CDC16: variants seen among roughly 807,000 people sequenced by gnomAD.
CDC16 encodes cell division cycle 16.
CDC16 carries 34 observed loss-of-function variants against 87.0 expected under a neutral mutation model. The ratio of observed to expected loss-of-function variants is 0.39; its 90% CI spans 0.30 to 0.52. The LOEUF is 0.52. Among genes scored for constraint, CDC16 ranks in the 20% least tolerant of loss-of-function variants. The probability of loss-of-function intolerance (pLI) is 0.74; values close to 1 mark genes in which losing one functional copy is unlikely to be tolerated. For synonymous variants in CDC16, 263 were observed against 260.6 expected, an observed-to-expected ratio of 1.01 and a Z score of -0.09; for missense variants, 653 against 751.9, an observed-to-expected ratio of 0.87 and a Z score of 1.54.
chr13:114,251,826 C>T (rs1465886693), intron 12 of CDC16, among the ~76,000 whole-genome samples: 2 of 152,220 alleles, frequency 1.3e-5, no homozygotes, highest in African/African-American at 2.4e-5. Flanking sequence ...CCTCACATGG[C>T]AGAGAGAGCT....
Position 114,259,341 on chromosome 13 carries a change from A to G in CDC16, c.1257A>G (p.Lys419=). The change falls in exon 14 of 18, where the codon AAA becomes AAG. Residue 419 remains lysine, a synonymous_variant. Coordinates refer to ENST00000356221, the MANE Select transcript of CDC16 (RefSeq NM_001078645.3). ...TTTTTTCCTTTCATTTTAGATGGAAAACAGCCGAAAAATGGTTTCTTGATG... is the reference window on the plus strand; with the variant it reads ...TTTTTTCCTTTCATTTTAGATGGAAGACAGCCGAAAAATGGTTTCTTGATG... ...GVVAFQNGEW[K]TAEKWFLDAL... 1 of 1,572,620 alleles carries G rather than the reference A, an allele frequency of 6.4e-7. No homozygotes were observed. Among genetic ancestry groups the G allele is most frequent in the South Asian group, 1.2e-5 (1 of 82,974 alleles).
rs17291173 is a variant in CDC16, at chr13:114,243,909, G to T, written c.687G>T (p.Glu229Asp). ...VIPESVDGLQ[E>D]NLDVVVSLAE... ...CTGAATCTGTAGATGGCTTGCAAGA[G>T]AATCTGGATGTGGTAGTGTCTTTAG... The change falls in exon 8 of 18, where the codon GAG (glutamate) becomes GAT (aspartate). Residue 229 changes from glutamate to aspartate, a missense_variant. By Grantham distance (45) the Glu-to-Asp change is conservative (BLOSUM62 2). Coordinates refer to ENST00000356221, the MANE Select transcript of CDC16 (RefSeq NM_001078645.3). The T allele has an allele frequency of 6.2e-7, 1 of 1,606,234 alleles. No homozygotes were observed. Among genetic ancestry groups the T allele is most frequent in the South Asian group, 1.1e-5 (1 of 90,876 alleles).
At chr13:114,236,558 A>T in intron 1 of CDC16, 87 bp from the exon 2 acceptor site, 1 of 1,076,654 alleles carries the variant, frequency 9.3e-7, no homozygotes, top group Non-Finnish European at 1.3e-6. Flanking sequence ...TTAATATATT[A>T]CATAGAATTA....
chr13:114,267,050 A>G (rs2083273954), intron 17 of CDC16, among the ~76,000 whole-genome samples: 1 of 152,162 alleles, frequency 6.6e-6, no homozygotes, highest in Non-Finnish European at 1.5e-5. Context: ...AGAAATATTA[A>G]TCTATAGACA....
At chr13:114,242,723 G>T in intron 6 of CDC16, 1 of 164,196 alleles carries the variant, frequency 6.1e-6, no homozygotes, top group Non-Finnish European at 1.3e-5. Context: ...CGTCAACAAG[G>T]GAAACAGAAA....
At position 114,245,994 on chromosome 13, in the gene CDC16, G is replaced by C; in HGVS notation, c.848-6G>C. The C allele has an allele frequency of 2.0e-6, 3 of 1,471,290 alleles. No individual in the cohort carries two copies. Among genetic ancestry groups the C allele is most frequent in the East Asian group, 2.3e-5 (1 of 43,442 alleles). 91.1% of individuals were successfully genotyped at this position (1,471,290 alleles called of 1,614,324 possible). A position where few individuals can be genotyped will look rare whatever the true frequency, so the allele number is the denominator to read the frequency against. ...AATTGTTCTTTTTCTGCTTTTTCCTGAACAGAACTTTTCTATCTTTCTCAT... is the reference window on the plus strand; with the variant it reads ...AATTGTTCTTTTTCTGCTTTTTCCTCAACAGAACTTTTCTATCTTTCTCAT... On this transcript the variant is annotated splice_polypyrimidine_tract_variant and splice_region_variant and intron_variant, in intron 9 of 17. Coordinates refer to ENST00000356221, the MANE Select transcript of CDC16 (RefSeq NM_001078645.3).
intron 5 of CDC16, among the ~76,000 whole-genome samples, chr13:114,240,836 G>A (rs542754181): frequency 6.6e-6 from 1 of 152,104 alleles, no homozygotes; most frequent in African/African-American, 2.4e-5. Flanking sequence ...TTATGAAAGT[G>A]TGTGGTACAG....
Position 114,271,521 on chromosome 13 carries a change from C to G in CDC16, c.1604-663C>G, listed in dbSNP as rs576053570. Among the ~76,000 whole-genome samples the G allele has an allele frequency of 3.3e-5, 5 of 152,198 alleles. No individual in the cohort carries two copies. In the South Asian group the frequency reaches 1.0e-3, roughly 32 times the overall value. ...ATGGAATCTCACTCTGTTGCCCAGG[C>G]TGGAGTGCAGTGGCACTATCTCGGC... On this transcript the variant is annotated intron_variant, in intron 17 of 17. Transcript: ENST00000356221.
chr13:114,236,078 T>C (rs907046652), intron 1 of CDC16, among the ~76,000 whole-genome samples: 1 of 152,250 alleles, frequency 6.6e-6, no homozygotes, highest in African/African-American at 2.4e-5. Context: ...AAGCTAGCCG[T>C]AGGTCACTGT....
intron 3 of CDC16, 47 bp from the exon 4 acceptor site, chr13:114,238,943 T>TA: frequency 6.3e-7 from 1 of 1,577,062 alleles, no homozygotes; most frequent in South Asian, 1.2e-5. Context: ...AAAGTGAAGA[T>TA]ACATATTATT....
chr13:114,243,778 G>T, intron 7 of CDC16, 78 bp from the exon 8 acceptor site: 1 of 1,234,494 alleles, frequency 8.1e-7, no homozygotes, highest in East Asian at 2.4e-5. Flanking sequence ...TTAACCACTT[G>T]GGCCAAACAC....
At chr13:114,269,372 T>C (rs987823061) in intron 17 of CDC16, among the ~76,000 whole-genome samples, 1 of 148,070 alleles carries the variant, frequency 6.8e-6, no homozygotes, top group South Asian at 2.1e-4. Context: ...TCAGAGTCAA[T>C]GTGGGAGGGG....
intron 3 of CDC16, among the ~76,000 whole-genome samples, chr13:114,238,283 G>T (rs563604464): frequency 1.3e-4 from 19 of 148,164 alleles, no homozygotes; most frequent in Middle Eastern, 3.5e-3. Context: ...TGGAGCTGCT[G>T]TGAGCTCCTC....
At chr13:114,247,053 T>G in intron 11 of CDC16, 49 bp downstream of exon 11, 12 of 1,187,312 alleles carry the variant, frequency 1.0e-5, no homozygotes, top group Non-Finnish European at 1.4e-5. Context: ...AATTGATGTC[T>G]TGCTCATAAG....
intron 11 of CDC16, among the ~76,000 whole-genome samples, chr13:114,247,649 A>C (rs942047910): frequency 6.6e-6 from 1 of 151,860 alleles, no homozygotes; most frequent in Non-Finnish European, 1.5e-5. Context: ...AGGTCAATGC[A>C]GGTGGATCAC....
intron 5 of CDC16, among the ~76,000 whole-genome samples, chr13:114,240,572 G>A (rs1450758649): frequency 6.6e-6 from 1 of 152,002 alleles, no homozygotes; most frequent in Non-Finnish European, 1.5e-5. Flanking sequence ...TGCCCAGGAT[G>A]GTCTCAAACT....
At chr13:114,242,389 T>C in intron 6 of CDC16, 109 bp downstream of exon 6, 1 of 941,018 alleles carries the variant, frequency 1.1e-6, no homozygotes, top group Non-Finnish European at 1.6e-6. Flanking sequence ...CAGGTTTAAA[T>C]AGACCTACTC....
intron 3 of CDC16, 101 bp from the exon 4 acceptor site, chr13:114,238,889 G>T: frequency 1.4e-6 from 2 of 1,420,518 alleles, no homozygotes; most frequent in Non-Finnish European, 1.9e-6. Context: ...AGTAAAAGGA[G>T]AAATTATGAA....
intron 8 of CDC16, chr13:114,244,645 TAAAGTA>T (rs1332428744): frequency 6.3e-6 from 2 of 318,684 alleles, no homozygotes; most frequent in African/African-American, 4.3e-5. Context: ...TCTGTTGACT[TAAAGTA>T]AATGTATGTG....
Sources: allele counts gnomAD v4.1 joint callset (sites outside exome capture counted in the v4.1 genomes callset), GRCh38; gene constraint gnomAD v4.1.1; transcripts MANE v1.5; gene names NCBI Gene and HGNC (gene_info 2026-07-23, HGNC 2026-07-21).